Variants in ATP8A2 observed in about 807,000 individuals in gnomAD.
The protein encoded by ATP8A2 is phospholipid-transporting ATPase IB.
In ATP8A2, 100 loss-of-function variants were observed where a neutral mutation model predicts 165.6. That is an observed-to-expected ratio of 0.60 (90% CI 0.51 to 0.71). The LOEUF is 0.71. Ranked by LOEUF, ATP8A2 falls within the 30% of genes least tolerant of loss-of-function variation. The probability of loss-of-function intolerance (pLI) is 0.00; values close to 1 mark genes in which losing one functional copy is unlikely to be tolerated. For missense variants in ATP8A2, 1,227 were observed against 1,479.5 expected, an observed-to-expected ratio of 0.83 and a Z score of 2.80; for synonymous variants, 543 against 548.8, an observed-to-expected ratio of 0.99 and a Z score of 0.15.
In ATP8A2 at chr13:25,531,194, GTT is replaced by G. The variant is rs1566228730; in HGVS notation, c.420+535_420+536del. Among the ~76,000 whole-genome samples, 127 of 134,824 alleles carry G rather than the reference GTT, an allele frequency of 9.4e-4. 1 individual carries two copies. Among genetic ancestry groups the G allele is most frequent in the African/African-American group, 3.1e-3 (107 of 34,362 alleles). The allele number at this position is 134,824 out of a possible 152,430, so 88.4% of individuals were successfully genotyped here. A position where few individuals can be genotyped will look rare whatever the true frequency, so the allele number is the denominator to read the frequency against. ...TATATGATATATATATGTTATATAT[GTT>G]ATATATGATATATGTTATATATGAT... On this transcript the variant is annotated intron_variant, in intron 4 of 36. Transcript: ENST00000381655.
intron 35 of ATP8A2, among the ~76,000 whole-genome samples, chr13:25,981,149 T>G (rs1956164121): frequency 1.3e-5 from 2 of 152,210 alleles, no homozygotes; most frequent in Admixed American, 1.3e-4. Context: ...GGATAAAGAT[T>G]AGTTGCCAAG....
At chr13:25,646,562 A>G (rs917742944) in intron 24 of ATP8A2, among the ~76,000 whole-genome samples, 14 of 148,350 alleles carry the variant, frequency 9.4e-5, no homozygotes, top group Non-Finnish European at 1.9e-4. Flanking sequence ...AGGCTGAGGT[A>G]GAGAATTGCT....
intron 28 of ATP8A2, among the ~76,000 whole-genome samples, chr13:25,829,325 T>C (rs1034971401): frequency 6.6e-6 from 1 of 151,864 alleles, no homozygotes; most frequent in Non-Finnish European, 1.5e-5. Context: ...AGACAAAGAT[T>C]AGGAGTGGTA....
chr13:25,925,585 T>G (rs1954580254), intron 33 of ATP8A2, among the ~76,000 whole-genome samples: 1 of 151,974 alleles, frequency 6.6e-6, no homozygotes, highest in Admixed American at 6.6e-5. Context: ...TGACAGGCAT[T>G]GAACTAGTTG....
intron 13 of ATP8A2, among the ~76,000 whole-genome samples, chr13:25,558,400 G>T (rs895482473): frequency 2.2e-4 from 33 of 152,270 alleles, no homozygotes; most frequent in African/African-American, 7.2e-4. Flanking sequence ...TTAATAACTT[G>T]AAGTCCCTTT....
chr13:25,389,983 CTTTTGTTTTGTTTTG>C (rs59233777), intron 1 of ATP8A2, among the ~76,000 whole-genome samples: 1 of 151,024 alleles, frequency 6.6e-6, no homozygotes, highest in East Asian at 1.9e-4. Flanking sequence ...AATTTTTTGC[CTTTTGTTTTGTTTTG>C]TTTTGTTTTG....
At chr13:25,798,895 A>G (rs909424073) in intron 27 of ATP8A2, among the ~76,000 whole-genome samples, 1 of 152,020 alleles carries the variant, frequency 6.6e-6, no homozygotes, top group African/African-American at 2.4e-5. Flanking sequence ...AGCCAGGCAC[A>G]GTAATCCCAG....
At chr13:25,994,753 G>C (rs1436806258) in intron 35 of ATP8A2, among the ~76,000 whole-genome samples, 1 of 151,948 alleles carries the variant, frequency 6.6e-6, no homozygotes, top group Admixed American at 6.6e-5. Context: ...TGTAATTCTT[G>C]TTATATGTTG....
intron 33 of ATP8A2, among the ~76,000 whole-genome samples, chr13:25,922,925 A>G (rs985802971): frequency 4.6e-5 from 7 of 152,076 alleles, no homozygotes; most frequent in African/African-American, 1.4e-4. Flanking sequence ...AGCCCAGGAG[A>G]TGCCTTCTCT....
chr13:26,005,795 A>C (rs1056761738), intron 35 of ATP8A2, among the ~76,000 whole-genome samples: 2 of 152,020 alleles, frequency 1.3e-5, no homozygotes, highest in African/African-American at 4.8e-5. Flanking sequence ...AATGGTCTTC[A>C]CATCCATGTC....
At chr13:25,543,239 A>G in intron 9 of ATP8A2, 52 bp from the exon 10 acceptor site, 1 of 1,178,944 alleles carries the variant, frequency 8.5e-7, no homozygotes. Flanking sequence ...GGAAAAACTC[A>G]TGCTTATTTT....
chr13:25,870,487 A>G (rs944891735), intron 33 of ATP8A2, among the ~76,000 whole-genome samples: 2 of 152,156 alleles, frequency 1.3e-5, no homozygotes, highest in Non-Finnish European at 2.9e-5. Flanking sequence ...CTTCCCTTCC[A>G]TATCACAATT....
chr13:25,439,839 T>A (rs1397673570), intron 1 of ATP8A2, among the ~76,000 whole-genome samples: 1 of 151,832 alleles, frequency 6.6e-6, no homozygotes, highest in African/African-American at 2.4e-5. Context: ...CCCAGGAGTT[T>A]GTGGTTATGG....
intron 25 of ATP8A2, among the ~76,000 whole-genome samples, chr13:25,699,766 G>T (rs1348918276): frequency 3.3e-5 from 5 of 152,020 alleles, no homozygotes; most frequent in Non-Finnish European, 7.4e-5. Context: ...AGGAGCTTTG[G>T]TCGGGTTCAT....
chr13:25,818,868 A>C (rs1045351971), intron 27 of ATP8A2, among the ~76,000 whole-genome samples: 1 of 152,228 alleles, frequency 6.6e-6, no homozygotes, highest in Non-Finnish European at 1.5e-5. Flanking sequence ...GGGTAGCCAG[A>C]TAACAATACA....
intron 24 of ATP8A2, among the ~76,000 whole-genome samples, chr13:25,631,977 C>G (rs2041251592): frequency 6.6e-6 from 1 of 152,146 alleles, no homozygotes; most frequent in Non-Finnish European, 1.5e-5. Flanking sequence ...CTCAGCCCCA[C>G]AAGGCTCTCC....
At position 25,950,089 on chromosome 13, in the gene ATP8A2, C is replaced by T. The variant is rs568086235; in HGVS notation, c.3184-11486C>T. 9.2e-5 allele frequency among the ~76,000 whole-genome samples: 14 copies of T among 152,242 alleles called. No individual in the cohort carries two copies. In the East Asian group the frequency reaches 1.9e-3, roughly 21 times the overall value. ...TGCAGGGATTACAGGTGTGAGCCACCGCTCCCAGCCCAGACTGCTTATTTT... is the reference window on the plus strand; with the variant it reads ...TGCAGGGATTACAGGTGTGAGCCACTGCTCCCAGCCCAGACTGCTTATTTT... On this transcript the variant is annotated intron_variant, in intron 33 of 36. Transcript: ENST00000381655.
intron 33 of ATP8A2, among the ~76,000 whole-genome samples, chr13:25,932,325 GCTTGGGGATTC>G (rs760865805): frequency 6.6e-6 from 1 of 152,158 alleles, no homozygotes; most frequent in Non-Finnish European, 1.5e-5. Context: ...GGAGCATTTT[GCTTGGGGATTC>G]CTTGGTGTCT....
intron 15 of ATP8A2, among the ~76,000 whole-genome samples, chr13:25,561,439 T>C (rs2039151326): frequency 6.6e-6 from 1 of 152,134 alleles, no homozygotes; most frequent in African/African-American, 2.4e-5. Flanking sequence ...GTTTTCTGTG[T>C]GATCTCACTT....
Sources: allele counts gnomAD v4.1 joint callset (sites outside exome capture counted in the v4.1 genomes callset), GRCh38; gene constraint gnomAD v4.1.1; transcripts MANE v1.5; gene names NCBI Gene and HGNC (gene_info 2026-07-23, HGNC 2026-07-21).